The following SDCCAG8 variants were observed in gnomAD, a reference collection of about 807,000 sequenced individuals.
SDCCAG8 encodes the protein SHH signaling and ciliogenesis regulator SDCCAG8.
A neutral mutation model predicts 101.8 loss-of-function variants in SDCCAG8; 74 were observed. The observed-to-expected ratio is 0.73, with a 90% CI of 0.60 to 0.88. SDCCAG8 has a LOEUF of 0.88. Among genes scored for constraint, SDCCAG8 ranks in the 40% least tolerant of loss-of-function variants. SDCCAG8 has a pLI of 0.00. For synonymous variants in SDCCAG8, 281 were observed against 292.9 expected (o/e 0.96, Z 0.41); for missense variants, 787 against 822.6 (o/e 0.96, Z 0.53).
chr1:243,453,639 A>G (rs1038087215), intron 16 of SDCCAG8, among the ~76,000 whole-genome samples: 2 of 152,216 alleles, frequency 1.3e-5, no homozygotes, highest in South Asian at 2.1e-4. Context: ...TTTGCCATCA[A>G]TCGTATTTTG....
chr1:243,373,818 A>G (rs2077440301), intron 12 of SDCCAG8, among the ~76,000 whole-genome samples: 1 of 152,122 alleles, frequency 6.6e-6, no homozygotes, highest in South Asian at 2.1e-4. Context: ...GTCTAAATAA[A>G]CTATCATATT....
At chr1:243,310,095 C>A (rs1372755248) in intron 8 of SDCCAG8, among the ~76,000 whole-genome samples, 1 of 152,094 alleles carries the variant, frequency 6.6e-6, no homozygotes, top group Admixed American at 6.6e-5. Context: ...ATCTCTTGAC[C>A]TCATGATCCA....
At chr1:243,273,087 A>G (rs2068227967) in intron 3 of SDCCAG8, among the ~76,000 whole-genome samples, 2 of 152,200 alleles carry the variant, frequency 1.3e-5, no homozygotes, top group Non-Finnish European at 2.9e-5. Context: ...ATTGCTATTA[A>G]TGGAGGATGA....
At chr1:243,465,100 G>A (rs1041082670) in intron 16 of SDCCAG8, among the ~76,000 whole-genome samples, 8 of 152,184 alleles carry the variant, frequency 5.3e-5, no homozygotes, top group African/African-American at 1.9e-4. Flanking sequence ...TTACTAAAGT[G>A]TGACAGTTTA....
intron 17 of SDCCAG8, among the ~76,000 whole-genome samples, chr1:243,495,390 C>G (rs1667556460): frequency 6.6e-6 from 1 of 152,220 alleles, no homozygotes. Flanking sequence ...AGCCCAGAAG[C>G]AGCAAAGCCA....
intron 1 of SDCCAG8, 50 bp from the exon 2 acceptor site, chr1:243,270,055 T>A (rs1458793398): frequency 6.2e-7 from 1 of 1,613,800 alleles, no homozygotes; most frequent in African/African-American, 1.3e-5. Flanking sequence ...AGTGTCCGTT[T>A]GGTCAACCAG....
intron 12 of SDCCAG8, among the ~76,000 whole-genome samples, chr1:243,365,909 T>A (rs554645781): frequency 6.6e-6 from 1 of 152,220 alleles, no homozygotes; most frequent in South Asian, 2.1e-4. Context: ...AGAAAATTGT[T>A]GAAATTCCAT....
chr1:243,485,167 C>T (rs1014593205), intron 16 of SDCCAG8, among the ~76,000 whole-genome samples: 2 of 152,092 alleles, frequency 1.3e-5, no homozygotes, highest in Non-Finnish European at 2.9e-5. Context: ...GGCGCTGGCT[C>T]GATTTGACTC....
chr1:243,358,074 T>C (rs1190877924), intron 12 of SDCCAG8, among the ~76,000 whole-genome samples: 1 of 151,566 alleles, frequency 6.6e-6, no homozygotes, highest in African/African-American at 2.4e-5. Flanking sequence ...CAAAGAACAA[T>C]AGAAAAAAAA....
At chr1:243,307,377 C>A in intron 7 of SDCCAG8, 1 of 975,060 alleles carries the variant, frequency 1.0e-6, no homozygotes, top group Non-Finnish European at 1.2e-6. Context: ...TATGTAACTT[C>A]CTTCTGTAAC....
chr1:243,256,076 C>T lies in SDCCAG8; in HGVS notation c.-98C>T, dbSNP rs886046329. The T allele has an allele frequency of 5.2e-5, 58 of 1,125,930 alleles. No individual in the cohort carries two copies. The South Asian group carries it at 6.6e-4, about 13-fold the overall frequency. The allele number at this position is 1,125,930 out of a possible 1,614,324, so 69.7% of individuals were successfully genotyped here. On this transcript the variant is annotated 5_prime_UTR_variant, in exon 1 of 18. Coordinates refer to ENST00000366541, the MANE Select transcript of SDCCAG8 (RefSeq NM_006642.5). Reference sequence around the variant, plus strand: ...CCCCTGTGACAGCCGCGGCAGGAAGCAGGCGGGCGCTCCCCGGCCACAGGC... The same window carrying T: ...CCCCTGTGACAGCCGCGGCAGGAAGTAGGCGGGCGCTCCCCGGCCACAGGC...
Position 243,308,191 on chromosome 1 carries a change from T to A in SDCCAG8, c.929+14T>A, listed in dbSNP as rs2072350347. On this transcript the variant is annotated intron_variant, in intron 8 of 17. Transcript: ENST00000366541. ...AAGACTGGTTAAGTAAGTATGCTTC[T>A]ACGCGCACGGAGACTTTGGCAATAT... 1 of 1,613,960 alleles carries A rather than the reference T, an allele frequency of 6.2e-7. No individual in the cohort carries two copies. Among genetic ancestry groups the A allele is most frequent in the South Asian group, 1.1e-5 (1 of 91,082 alleles).
chr1:243,496,893 TGGG>T (rs1239068229), intron 17 of SDCCAG8, among the ~76,000 whole-genome samples: 2 of 152,190 alleles, frequency 1.3e-5, no homozygotes, highest in African/African-American at 4.8e-5. Flanking sequence ...TGCCTGCAGA[TGGG>T]GGCACGTTTC....
chr1:243,309,868 TTG>T (rs1491096742), intron 8 of SDCCAG8, among the ~76,000 whole-genome samples: 1 of 139,800 alleles, frequency 7.2e-6, no homozygotes, highest in South Asian at 2.7e-4. Flanking sequence ...TTTGTTTGTT[TTG>T]TTTTTGTTTT....
chr1:243,467,678 A>G (rs187082438), intron 16 of SDCCAG8, among the ~76,000 whole-genome samples: 1 of 152,356 alleles, frequency 6.6e-6, no homozygotes, highest in Non-Finnish European at 1.5e-5. Flanking sequence ...CTGAAAGACT[A>G]TTCTCTTGAT....
At chr1:243,291,545 A>T (rs931031844) in intron 5 of SDCCAG8, among the ~76,000 whole-genome samples, 2 of 152,202 alleles carry the variant, frequency 1.3e-5, no homozygotes, top group Admixed American at 6.5e-5. Flanking sequence ...TGCAGGCTGC[A>T]TGTCAACTCT....
intron 9 of SDCCAG8, among the ~76,000 whole-genome samples, chr1:243,327,100 C>A (rs1394790123): frequency 1.3e-5 from 2 of 152,056 alleles, no homozygotes; most frequent in South Asian, 4.1e-4. Context: ...AGACCTACAG[C>A]CATTTCCACC....
At chr1:243,457,668 G>T (rs906814923) in intron 16 of SDCCAG8, among the ~76,000 whole-genome samples, 3 of 152,172 alleles carry the variant, frequency 2.0e-5, no homozygotes, top group Non-Finnish European at 4.4e-5. Flanking sequence ...AATTTTTCAT[G>T]CATTTTATGA....
At position 243,286,549 on chromosome 1, in the gene SDCCAG8, A is replaced by T. The variant is rs370587270; in HGVS notation, c.546+152A>T. On this transcript the variant is annotated intron_variant, in intron 5 of 17. Transcript: ENST00000366541. Reference sequence around the variant, plus strand: ...TTTGAGACCTCAAATATCAAACTTCACTGTGGTGGAATGAATCCTCAGATG... The same window carrying T: ...TTTGAGACCTCAAATATCAAACTTCTCTGTGGTGGAATGAATCCTCAGATG... 368 of 787,054 alleles carry T rather than the reference A, an allele frequency of 4.7e-4. 3 individuals carry two copies. The South Asian group carries it at 5.6e-3, about 12-fold the overall frequency. The allele number at this position is 787,054 out of a possible 1,614,324, so 48.8% of individuals were successfully genotyped here. A position where few individuals can be genotyped will look rare whatever the true frequency, so the allele number is the denominator to read the frequency against.
Sources: allele counts gnomAD v4.1 joint callset (sites outside exome capture counted in the v4.1 genomes callset), GRCh38; gene constraint gnomAD v4.1.1; transcripts MANE v1.5; gene names NCBI Gene and HGNC (gene_info 2026-07-23, HGNC 2026-07-21).